LRP5: variants seen among roughly 807,000 people sequenced by gnomAD.
LRP5 encodes LDL receptor related protein 5, also known as low-density lipoprotein receptor-related protein 5.
A neutral mutation model predicts 154.1 loss-of-function variants in LRP5; 62 were observed. That is an observed-to-expected ratio of 0.40 (90% CI 0.33 to 0.50). The LOEUF is 0.50. Among genes scored for constraint, LRP5 ranks in the 20% least tolerant of loss-of-function variants. The pLI is 0.55. For missense variants in LRP5, 1,915 were observed against 2,336.7 expected (o/e 0.82, Z 3.72); for synonymous variants, 966 against 1,011.5 (o/e 0.96, Z 0.85).
intron 3 of LRP5, among the ~76,000 whole-genome samples, chr11:68,361,831 A>G (rs2098628291): frequency 6.6e-6 from 1 of 152,216 alleles, no homozygotes; most frequent in Admixed American, 6.5e-5. Context: ...CAGAAAACAA[A>G]CAAAAAAGAC....
intron 5 of LRP5, among the ~76,000 whole-genome samples, chr11:68,370,641 C>T (rs565132401): frequency 3.3e-5 from 5 of 152,350 alleles, no homozygotes; most frequent in East Asian, 3.9e-4. Context: ...GAGACTCAGC[C>T]GTCAGGGGTC....
intron 3 of LRP5, among the ~76,000 whole-genome samples, chr11:68,358,923 G>C (rs150204191): frequency 1.3e-5 from 2 of 152,320 alleles, no homozygotes; most frequent in Non-Finnish European, 2.9e-5. Context: ...GCAGGGATGT[G>C]GCAGGTGTCT....
chr11:68,359,990 T>C (rs2098626405), intron 3 of LRP5, among the ~76,000 whole-genome samples: 1 of 151,914 alleles, frequency 6.6e-6, no homozygotes, highest in African/African-American at 2.4e-5. Flanking sequence ...GGTTTCACCA[T>C]GTTGGCCAGG....
chr11:68,391,721 A>G (rs970918646), intron 7 of LRP5, among the ~76,000 whole-genome samples: 26 of 152,214 alleles, frequency 1.7e-4, no homozygotes, highest in Admixed American at 9.8e-4. Context: ...GGCAAGGCCC[A>G]TGTTTGCGGG....
At chr11:68,340,154 C>G (rs1299299640) in intron 1 of LRP5, among the ~76,000 whole-genome samples, 1 of 152,136 alleles carries the variant, frequency 6.6e-6, no homozygotes, top group African/African-American at 2.4e-5. Flanking sequence ...GTGGGAGAAT[C>G]GCTTGAAACT....
chr11:68,370,572 C>T (rs1356681787), intron 5 of LRP5, among the ~76,000 whole-genome samples: 3 of 152,318 alleles, frequency 2.0e-5, no homozygotes, highest in Non-Finnish European at 4.4e-5. Context: ...AGTTGGATAG[C>T]TTTTCCATTC....
the LRP5 span, among the ~76,000 whole-genome samples, chr11:68,300,998 C>T: frequency 2.1e-4 from 31 of 148,216 alleles, no homozygotes; most frequent in East Asian, 5.0e-3. Context: ...GACGCGATCT[C>T]GGCTCATCAC....
At chr11:68,378,546 G>A (rs2098638657) in intron 5 of LRP5, among the ~76,000 whole-genome samples, 1 of 151,804 alleles carries the variant, frequency 6.6e-6, no homozygotes, top group South Asian at 2.1e-4. Context: ...TAGAGACCGA[G>A]AGCCTCTAAG....
rs12788826 is a variant in LRP5 at position 68,415,659 on chromosome 11, C to T, written c.2828-669C>T. On this transcript the variant is annotated intron_variant, in intron 12 of 22. Coordinates refer to ENST00000294304, the MANE Select transcript of LRP5 (RefSeq NM_002335.4). ...ACTTGGGAGGCTGAGAGAGGAGAAT[C>T]GCTTGAACTTGGGAGGTGGAAGTTT... Among the ~76,000 whole-genome samples, 7 of 46,378 alleles carry T rather than the reference C, an allele frequency of 1.5e-4. 3 individuals carry two copies. The highest frequency in any genetic ancestry group is 4.1e-4 in the Non-Finnish European group (7 of 17,096). 30.4% of individuals were successfully genotyped at this position (46,378 alleles called of 152,430 possible). A position where few individuals can be genotyped will look rare whatever the true frequency, so the allele number is the denominator to read the frequency against.
chr11:68,449,198 A>C lies in LRP5; in HGVS notation c.*128A>C. 2.6e-5 allele frequency: 15 copies of C among 581,028 alleles called. No homozygotes were observed. Among genetic ancestry groups the C allele is most frequent in the East Asian group, 1.1e-4 (3 of 26,854 alleles). The allele number at this position is 581,028 out of a possible 1,614,324, so 36.0% of individuals were successfully genotyped here. ...GATTTTAAAAACATGAGAAATGTGAACTGTGATGGGGTGGGCAGGGCTGGG... is the reference window on the plus strand; with the variant it reads ...GATTTTAAAAACATGAGAAATGTGACCTGTGATGGGGTGGGCAGGGCTGGG... On this transcript the variant is annotated 3_prime_UTR_variant, in exon 23 of 23. Coordinates refer to ENST00000294304, the MANE Select transcript of LRP5 (RefSeq NM_002335.4).
chr11:68,326,880 G>A (rs1408709936), intron 1 of LRP5, among the ~76,000 whole-genome samples: 23 of 152,214 alleles, frequency 1.5e-4, no homozygotes, highest in Admixed American at 1.5e-3. Flanking sequence ...GAGGCATGGA[G>A]TCTCGCTCCT....
intron 1 of LRP5, among the ~76,000 whole-genome samples, chr11:68,327,080 G>A (rs911845395): frequency 4.7e-4 from 72 of 152,308 alleles, no homozygotes; most frequent in South Asian, 1.4e-3. Flanking sequence ...TGTGCCGCCC[G>A]TCCCTGCCCG....
intron 3 of LRP5, 118 bp from the exon 4 acceptor site, chr11:68,363,629 C>G (rs2098629230): frequency 1.2e-6 from 1 of 838,244 alleles, no homozygotes; most frequent in Non-Finnish European, 1.9e-6. Flanking sequence ...TGCACTCCAG[C>G]CTGGGCGACA....
At chr11:68,435,221 C>T (rs1415641731) in intron 18 of LRP5, among the ~76,000 whole-genome samples, 1 of 152,222 alleles carries the variant, frequency 6.6e-6, no homozygotes, top group Admixed American at 6.5e-5. Flanking sequence ...CCTGGCCCAG[C>T]ATGTGCTGTG....
In LRP5 at chr11:68,423,516, G is replaced by A. The variant is rs1456386259; in HGVS notation, c.3055G>A (p.Gly1019Ser). The stretch of plus-strand genomic sequence containing the variant: ...CTTTGTTTTGACCTCTCTGAGCCAA[G>A]GCCAAAACCCAGACAGGCAGCCCCA... The part of the protein sequence containing the change: ...QPFVLTSLSQ[G>S]QNPDRQPHDL... The change falls in exon 14 of 23, where the codon GGC becomes AGC. Residue 1019 changes from glycine (G) to serine (S), a missense_variant. By Grantham distance (56) the Gly-to-Ser change is moderately conservative (BLOSUM62 0). This residue lies in a region of LRP5 where 1,094 missense variants were observed against 1,210.1 expected (regional missense o/e 0.90). Transcript: ENST00000294304. The surrounding 1 kb of genome is among the most constrained non-coding windows in gnomAD (Gnocchi z 4.7). 3 of 1,614,082 alleles carry A rather than the reference G, an allele frequency of 1.9e-6. No individual in the cohort carries two copies. The African/African-American group carries it at 4.0e-5, about 22-fold the overall frequency.
chr11:68,380,510 G>A (rs182533184), intron 5 of LRP5, among the ~76,000 whole-genome samples: 4 of 152,336 alleles, frequency 2.6e-5, no homozygotes, highest in East Asian at 1.9e-4. Context: ...GGACCCGTCC[G>A]ACGATAACCA....
rs759606638 is a variant in LRP5 at position 68,347,900 on chromosome 11, G to A, written c.145G>A (p.Gly49Ser). The A allele has an allele frequency of 3.2e-5, 52 of 1,613,176 alleles. No homozygotes were observed. In the South Asian group the frequency reaches 3.7e-4, roughly 12 times the overall value. The change falls in exon 2 of 23, where the codon GGC (glycine) becomes AGC (serine). Residue 49 changes from glycine (G) to serine (S), a missense_variant. This residue lies in a region of LRP5 where 773 missense variants were observed against 1,100.9 expected (regional missense o/e 0.70). Coordinates refer to ENST00000294304, the MANE Select transcript of LRP5 (RefSeq NM_002335.4). Reference sequence around the variant, plus strand: ...CCGGGACGTACGGCTGGTGGACGCCGGCGGAGTCAAGCTGGAGTCCACCAT... The same window carrying A: ...CCGGGACGTACGGCTGGTGGACGCCAGCGGAGTCAAGCTGGAGTCCACCAT... Reference protein sequence around the residue: ...NRRDVRLVDAGGVKLESTIVV... With the variant: ...NRRDVRLVDASGVKLESTIVV...
intron 1 of LRP5, among the ~76,000 whole-genome samples, chr11:68,315,932 GT>G (rs556834136): frequency 1.7e-4 from 25 of 149,836 alleles, no homozygotes; most frequent in African/African-American, 4.4e-4. Context: ...GTGTCGAGTT[GT>G]TTTTTTTTTA....
At chr11:68,303,233 G>C in the LRP5 span, among the ~76,000 whole-genome samples, 1 of 152,186 alleles carries the variant, frequency 6.6e-6, no homozygotes, top group Admixed American at 6.5e-5. Flanking sequence ...CTGGGTTCAA[G>C]TGATCCTCTT....
Sources: gnomAD v4.1 joint callset for allele counts (sites outside exome capture counted in the v4.1 genomes callset) on GRCh38, gnomAD v4.1.1 for gene constraint, gnomAD v4.1.1 regional missense constraint, Gnocchi (gnomAD v3.1) non-coding constraint, MANE v1.5 for transcripts, NCBI Gene and HGNC (gene_info 2026-07-23, HGNC 2026-07-21) for gene names.